The following SRD5A2 variants were observed in gnomAD, a reference collection of about 807,000 sequenced individuals.
SRD5A2 encodes 3-oxo-5-alpha-steroid 4-dehydrogenase 2.
In SRD5A2, 30 loss-of-function variants were observed where a neutral mutation model predicts 27.4. That is an observed-to-expected ratio of 1.10 (90% CI 0.82 to 1.49). The LOEUF (loss-of-function observed/expected upper bound fraction) is 1.49. SRD5A2 is among the 40% of genes most tolerant of loss of function. The pLI, the probability that SRD5A2 is intolerant of heterozygous loss-of-function variation, is 0.00. For synonymous variants in SRD5A2, 141 were observed against 133.6 expected (o/e 1.06, Z -0.38); for missense variants, 348 against 323.4 (o/e 1.08, Z -0.58).
chr2:31,646,473 T>C, the SRD5A2 span, among the ~76,000 whole-genome samples: 1 of 152,036 alleles, frequency 6.6e-6, no homozygotes, highest in African/African-American at 2.4e-5. Context: ...AGGAGGAACA[T>C]TCAAAAAGAG....
the SRD5A2 span, among the ~76,000 whole-genome samples, chr2:31,588,916 A>T: frequency 6.6e-6 from 1 of 152,092 alleles, no homozygotes; most frequent in Non-Finnish European, 1.5e-5. Flanking sequence ...GTGTGTGGAG[A>T]CTCACACTGT....
the SRD5A2 span, among the ~76,000 whole-genome samples, chr2:31,625,580 G>A: frequency 6.6e-6 from 1 of 152,096 alleles, no homozygotes; most frequent in East Asian, 1.9e-4. Context: ...TCTACATATG[G>A]CTAGCCAGTT....
At chr2:31,531,561 G>GGCGCATTTAATTCCAAAAAATGAAGGGAA in intron 2 of SRD5A2, 89 bp from the exon 3 acceptor site, 3 of 820,850 alleles carry the variant, frequency 3.7e-6, no homozygotes, top group African/African-American at 1.7e-5. Context: ...AATGAAAGGA[G>GGCGCATTTAATTCCAAAAAATGAAGGGAA]GGGCATTTAA....
chr2:31,661,058 C>G, the SRD5A2 span, among the ~76,000 whole-genome samples: 135 of 152,234 alleles, frequency 8.9e-4, 1 homozygote, highest in African/African-American at 3.2e-3. Flanking sequence ...TAACTAAACC[C>G]AGGTATTTAG....
At chr2:31,541,799 G>T (rs796698384) in intron 1 of SRD5A2, among the ~76,000 whole-genome samples, 34 of 152,298 alleles carry the variant, frequency 2.2e-4, no homozygotes, top group African/African-American at 7.9e-4. Flanking sequence ...TGATTGTGGG[G>T]CTCTGCATTG....
At chr2:31,624,247 T>C in the SRD5A2 span, among the ~76,000 whole-genome samples, 1 of 152,004 alleles carries the variant, frequency 6.6e-6, no homozygotes, top group Non-Finnish European at 1.5e-5. Context: ...ATTATACTCT[T>C]TTAGTTACTT....
chr2:31,561,079 CA>C (rs1666611668), intron 1 of SRD5A2, among the ~76,000 whole-genome samples: 1 of 152,128 alleles, frequency 6.6e-6, no homozygotes, highest in Admixed American at 6.5e-5. Flanking sequence ...CTGGGGAAAG[CA>C]AAGTGATTCC....
chr2:31,584,605 C>T (rs931140358), upstream of SRD5A2, among the ~76,000 whole-genome samples: 1 of 152,148 alleles, frequency 6.6e-6, no homozygotes, highest in African/African-American at 2.4e-5. Context: ...CCCACTAACC[C>T]TTCAAGCTTG....
intron 4 of SRD5A2, chr2:31,527,541 T>C (rs137929533): frequency 2.6e-4 from 39 of 152,352 alleles, no homozygotes; most frequent in African/African-American, 8.7e-4. Flanking sequence ...TTGGGTTTTG[T>C]TGTTGCAGCA....
Position 31,533,768 on chromosome 2 carries a change from T to G in SRD5A2, c.282-2A>C. 6.2e-7 allele frequency: 1 copy of G among 1,601,662 alleles called. No individual in the cohort carries two copies. Among genetic ancestry groups the G allele is most frequent in the Non-Finnish European group, 8.5e-7 (1 of 1,174,160 alleles). ...TTGAGCAGTGAGTACACAAATGTCCTGGGACACACAGGGAGGAAAGGTTAG... is the reference window on the plus strand; with the variant it reads ...TTGAGCAGTGAGTACACAAATGTCCGGGGACACACAGGGAGGAAAGGTTAG... On this transcript the variant is annotated splice_acceptor_variant, in intron 1 of 4. Coordinates refer to ENST00000622030, the MANE Select transcript of SRD5A2 (RefSeq NM_000348.4). LOFTEE classifies it high-confidence loss of function.
chr2:31,581,903 A>G (rs1419460560), upstream of SRD5A2, among the ~76,000 whole-genome samples: 1 of 151,796 alleles, frequency 6.6e-6, no homozygotes, highest in Admixed American at 6.6e-5. Context: ...TCCCACCTTT[A>G]TGTTATCCTC....
the SRD5A2 span, among the ~76,000 whole-genome samples, chr2:31,606,185 T>C: frequency 6.6e-6 from 1 of 151,832 alleles, no homozygotes; most frequent in South Asian, 2.1e-4. Flanking sequence ...GATAGGTTAA[T>C]GGGTACGAAA....
chr2:31,526,324 G>A (rs934278245), intron 4 of SRD5A2, 62 bp from the exon 5 acceptor site: 23 of 1,091,434 alleles, frequency 2.1e-5, no homozygotes, highest in Non-Finnish European at 2.7e-5. Flanking sequence ...GCTGAGGTTT[G>A]CTCTTACCAA....
chr2:31,584,985 G>A (rs997343421), upstream of SRD5A2, among the ~76,000 whole-genome samples: 2 of 152,160 alleles, frequency 1.3e-5, no homozygotes, highest in South Asian at 2.1e-4. Context: ...GAGCATTTTC[G>A]TGCACTGGGT....
At chr2:31,531,526 G>C in intron 2 of SRD5A2, 54 bp from the exon 3 acceptor site, 1 of 1,077,450 alleles carries the variant, frequency 9.3e-7, no homozygotes, top group Non-Finnish European at 1.3e-6. Flanking sequence ...CCAGATTGTG[G>C]TGCTTTTTTC....
chr2:31,571,560 A>G (rs1208117706), intron 1 of SRD5A2, among the ~76,000 whole-genome samples: 1 of 152,238 alleles, frequency 6.6e-6, no homozygotes, highest in African/African-American at 2.4e-5. Context: ...CAGGAAAAAA[A>G]ACTATCAAGA....
At chr2:31,587,047 G>A in the SRD5A2 span, among the ~76,000 whole-genome samples, 3 of 152,062 alleles carry the variant, frequency 2.0e-5, no homozygotes, top group Non-Finnish European at 4.4e-5. Flanking sequence ...TACTTTAAAA[G>A]AATCAAACAG....
At chr2:31,647,993 C>T in the SRD5A2 span, among the ~76,000 whole-genome samples, 1 of 152,082 alleles carries the variant, frequency 6.6e-6, no homozygotes, top group South Asian at 2.1e-4. Context: ...AGACGAGTTC[C>T]TAGAAGGAGA....
At chr2:31,614,349 C>CA in the SRD5A2 span, among the ~76,000 whole-genome samples, 1 of 152,168 alleles carries the variant, frequency 6.6e-6, no homozygotes, top group Non-Finnish European at 1.5e-5. Context: ...CTTAAAGCTG[C>CA]AAAATTATCT....
Sources: gnomAD v4.1 joint callset for allele counts (sites outside exome capture counted in the v4.1 genomes callset) on GRCh38, gnomAD v4.1.1 for gene constraint, MANE v1.5 for transcripts, NCBI Gene and HGNC (gene_info 2026-07-23, HGNC 2026-07-21) for gene names.